The following BRINP1 variants were observed in gnomAD, a reference collection of about 807,000 sequenced individuals.
BRINP1 encodes BMP/retinoic acid inducible neural specific 1, also known as BMP/retinoic acid-inducible neural-specific protein 1.
In BRINP1, 17 loss-of-function variants were observed where a neutral mutation model predicts 72.9. That is an observed-to-expected ratio of 0.23 (90% CI 0.16 to 0.35). BRINP1 has a LOEUF of 0.35. Ranked by LOEUF, BRINP1 falls within the 10% of genes least tolerant of loss-of-function variation. The pLI is 1.00. For synonymous variants in BRINP1, 418 were observed against 378.5 expected, an observed-to-expected ratio of 1.10 and a Z score of -1.21; for missense variants, 850 against 1,001.6, an observed-to-expected ratio of 0.85 and a Z score of 2.04.
At chr9:119,256,443 G>A (rs919259315) in intron 2 of BRINP1, among the ~76,000 whole-genome samples, 1 of 152,132 alleles carries the variant, frequency 6.6e-6, no homozygotes, top group African/African-American at 2.4e-5. Context: ...CTAAATTTAA[G>A]AAATGAAGCA....
At chr9:119,299,303 T>C (rs915002345) in intron 2 of BRINP1, among the ~76,000 whole-genome samples, 2 of 152,150 alleles carry the variant, frequency 1.3e-5, no homozygotes, top group Non-Finnish European at 2.9e-5. Flanking sequence ...TTGACTTATT[T>C]AGTTTCCACA....
chr9:119,254,501 G>C (rs928086770), intron 2 of BRINP1, among the ~76,000 whole-genome samples: 5 of 152,104 alleles, frequency 3.3e-5, no homozygotes, highest in Non-Finnish European at 7.4e-5. Context: ...AAACATCAAA[G>C]GGCAGCCTAA....
At chr9:119,310,071 T>C (rs1369962963) in intron 2 of BRINP1, among the ~76,000 whole-genome samples, 2 of 152,144 alleles carry the variant, frequency 1.3e-5, no homozygotes. Context: ...TGTTTCCAAA[T>C]GACACTATTT....
At chr9:119,364,495 TC>T (rs1207376106) in intron 1 of BRINP1, among the ~76,000 whole-genome samples, 4 of 152,202 alleles carry the variant, frequency 2.6e-5, no homozygotes, top group Admixed American at 6.5e-5. Context: ...CATGACACCT[TC>T]ATACCATCAA....
chr9:119,248,457 G>A (rs187294477), intron 3 of BRINP1, among the ~76,000 whole-genome samples: 16 of 152,324 alleles, frequency 1.1e-4, no homozygotes, highest in Admixed American at 6.5e-4. Context: ...TGGCCCTGAT[G>A]GGGAGGGATG....
At chr9:119,268,251 G>A (rs754087163) in intron 2 of BRINP1, among the ~76,000 whole-genome samples, 2 of 44,770 alleles carry the variant, frequency 4.5e-5, no homozygotes, top group Non-Finnish European at 8.0e-5. Flanking sequence ...TCAATAAATA[G>A]ATAGATAGAT....
At chr9:119,196,168 A>G (rs1829735965) in intron 7 of BRINP1, among the ~76,000 whole-genome samples, 1 of 152,164 alleles carries the variant, frequency 6.6e-6, no homozygotes, top group Admixed American at 6.5e-5. Context: ...GTGAAGACAG[A>G]CTTAATCCAA....
chr9:119,178,230 T>G (rs1330147302), intron 7 of BRINP1, among the ~76,000 whole-genome samples: 3 of 152,130 alleles, frequency 2.0e-5, no homozygotes, highest in Non-Finnish European at 4.4e-5. Flanking sequence ...CTAATTCAAC[T>G]ATTGGATGGG....
intron 2 of BRINP1, among the ~76,000 whole-genome samples, chr9:119,255,530 G>C (rs1379174796): frequency 6.6e-6 from 1 of 152,198 alleles, no homozygotes; most frequent in East Asian, 1.9e-4. Context: ...TCTTTTTAGA[G>C]CAAAGTATTG....
At chr9:119,306,391 C>A (rs1183309146) in intron 2 of BRINP1, among the ~76,000 whole-genome samples, 1 of 152,082 alleles carries the variant, frequency 6.6e-6, no homozygotes, top group Non-Finnish European at 1.5e-5. Context: ...TTCAGGGAGA[C>A]CTTGATAAAA....
chr9:119,239,440 G>C (rs1374650942), intron 4 of BRINP1, among the ~76,000 whole-genome samples: 1 of 152,170 alleles, frequency 6.6e-6, no homozygotes, highest in Non-Finnish European at 1.5e-5. Context: ...TGAGGTGGTG[G>C]GTAAGAGAGG....
At chr9:119,209,551 A>G (rs952195662) in intron 6 of BRINP1, among the ~76,000 whole-genome samples, 1 of 147,026 alleles carries the variant, frequency 6.8e-6, no homozygotes, top group Non-Finnish European at 1.5e-5. Flanking sequence ...TGGGCAACAG[A>G]GCAAGACTCT....
intron 1 of BRINP1, among the ~76,000 whole-genome samples, chr9:119,345,666 G>A (rs982635017): frequency 1.3e-5 from 2 of 152,168 alleles, no homozygotes; most frequent in Non-Finnish European, 2.9e-5. Flanking sequence ...AGAAGGTTAA[G>A]TGACTCTTCC....
intron 2 of BRINP1, among the ~76,000 whole-genome samples, chr9:119,285,226 T>C (rs773285864): frequency 2.7e-5 from 4 of 145,546 alleles, no homozygotes; most frequent in Non-Finnish European, 6.0e-5. Flanking sequence ...AAAAAATAGG[T>C]TGTAGAGAAT....
At chr9:119,262,405 G>A (rs1212224444) in intron 2 of BRINP1, among the ~76,000 whole-genome samples, 10 of 151,872 alleles carry the variant, frequency 6.6e-5, no homozygotes, top group Middle Eastern at 3.4e-3. Context: ...AGGTCGAGGC[G>A]GGCGGGTCAT....
chr9:119,229,118 A>T (rs1478677751), intron 5 of BRINP1, among the ~76,000 whole-genome samples: 1 of 152,096 alleles, frequency 6.6e-6, no homozygotes, highest in Non-Finnish European at 1.5e-5. Flanking sequence ...GGCACACCAT[A>T]AATACTTGCT....
chr9:119,239,971 T>C (rs1830231375), intron 4 of BRINP1, among the ~76,000 whole-genome samples: 1 of 152,240 alleles, frequency 6.6e-6, no homozygotes, highest in South Asian at 2.1e-4. Context: ...GGTTAGTGGC[T>C]GGTCTTAAAC....
chr9:119,231,824 G>A (rs1046882626), intron 5 of BRINP1, among the ~76,000 whole-genome samples: 3 of 151,472 alleles, frequency 2.0e-5, no homozygotes, highest in Admixed American at 6.6e-5. Context: ...TTCTATCATC[G>A]CAACTTTTAA....
At chr9:119,357,025 T>C (rs1041913195) in intron 1 of BRINP1, among the ~76,000 whole-genome samples, 1 of 152,212 alleles carries the variant, frequency 6.6e-6, no homozygotes, top group Non-Finnish European at 1.5e-5. Context: ...ATATCCTGTA[T>C]TTTTTACATT....
Sources: allele counts gnomAD v4.1 joint callset (sites outside exome capture counted in the v4.1 genomes callset), GRCh38; gene constraint gnomAD v4.1.1; transcripts MANE v1.5; gene names NCBI Gene and HGNC (gene_info 2026-07-23, HGNC 2026-07-21).